Variants in EYS observed in about 807,000 individuals in gnomAD.
EYS encodes the protein EGF-like photoreceptor maintenance factor.
In EYS, 250 loss-of-function variants were observed where a neutral mutation model predicts 282.1. That is an observed-to-expected ratio of 0.89 (90% CI 0.80 to 0.98). The LOEUF is 0.98. EYS is among the 50% of genes least tolerant of loss of function. EYS has a pLI of 0.00. For synonymous variants in EYS, 1,355 were observed against 1,282.9 expected, an observed-to-expected ratio of 1.06 and a Z score of -1.20; for missense variants, 4,016 against 3,709.0, an observed-to-expected ratio of 1.08 and a Z score of -2.15.
chr6:63,992,454 T>C (rs74458024), intron 34 of EYS, among the ~76,000 whole-genome samples: 3,020 of 151,878 alleles, frequency 0.02, 44 homozygotes, highest in Middle Eastern at 0.044. Context: ...TATGTTAACA[T>C]GTACACAATA....
chr6:64,062,842 A>C (rs1410729116), intron 33 of EYS, among the ~76,000 whole-genome samples: 1 of 151,900 alleles, frequency 6.6e-6, no homozygotes, highest in East Asian at 1.9e-4. Flanking sequence ...TTGATTCCTC[A>C]CTTTACCTCT....
intron 12 of EYS, among the ~76,000 whole-genome samples, chr6:65,100,741 T>C (rs886185083): frequency 6.7e-6 from 1 of 150,166 alleles, no homozygotes; most frequent in Non-Finnish European, 1.5e-5. Context: ...TCGTTTGTTT[T>C]ACCAAATCAA....
chr6:65,167,556 A>G lies in EYS; in HGVS notation c.2024-109829T>C, dbSNP rs564450605. ...TGCTATGAAATGCCCAGGGGACTAT[A>G]TAGGTACATGGATACACAGATATAT... On this transcript the variant is annotated intron_variant, in intron 12 of 42. Coordinates refer to ENST00000503581, the MANE Select transcript of EYS (RefSeq NM_001142800.2). Among the ~76,000 whole-genome samples, 7 of 151,372 alleles carry G rather than the reference A, an allele frequency of 4.6e-5. No individual in the cohort carries two copies. The Admixed American group carries it at 4.6e-4, about 10-fold the overall frequency.
chr6:64,941,722 GT>G, intron 15 of EYS, among the ~76,000 whole-genome samples: 1 of 152,074 alleles, frequency 6.6e-6, no homozygotes, highest in Non-Finnish European at 1.5e-5. Flanking sequence ...TTGGTTTTAT[GT>G]TTCTGTATTA....
At chr6:65,499,139 G>C (rs910438701) in intron 2 of EYS, among the ~76,000 whole-genome samples, 12 of 151,922 alleles carry the variant, frequency 7.9e-5, no homozygotes, top group Non-Finnish European at 1.3e-4. Flanking sequence ...TAGCTTTGTA[G>C]TTAGGTTATT....
chr6:64,510,252 GA>G (rs1272979056), intron 26 of EYS, among the ~76,000 whole-genome samples: 1 of 151,990 alleles, frequency 6.6e-6, no homozygotes, highest in Non-Finnish European at 1.5e-5. Flanking sequence ...ATTGCTTTTG[GA>G]AATAATGAAT....
intron 10 of EYS, among the ~76,000 whole-genome samples, chr6:65,337,169 A>C (rs1770019335): frequency 6.6e-6 from 1 of 151,498 alleles, no homozygotes; most frequent in African/African-American, 2.4e-5. Context: ...CTGTCTTTTC[A>C]CTTTCTACAT....
At chr6:63,918,555 G>T (rs1346085980) in intron 35 of EYS, among the ~76,000 whole-genome samples, 1 of 152,114 alleles carries the variant, frequency 6.6e-6, no homozygotes, top group African/African-American at 2.4e-5. Context: ...CCACAGATCT[G>T]CCTGTGAGTC....
chr6:64,361,840 T>C (rs1348406350), intron 29 of EYS, among the ~76,000 whole-genome samples: 1 of 151,818 alleles, frequency 6.6e-6, no homozygotes, highest in Non-Finnish European at 1.5e-5. Context: ...TTACTTTAAA[T>C]GTAAGTTGGA....
chr6:64,549,743 T>TTC (rs554355218), intron 26 of EYS, among the ~76,000 whole-genome samples: 6,047 of 151,934 alleles, frequency 0.04, 259 homozygotes, highest in East Asian at 0.11. Flanking sequence ...CTTTTTTTTT[T>TTC]TTTTTTTTAT....
At chr6:64,320,172 G>T (rs1283250752) in intron 29 of EYS, among the ~76,000 whole-genome samples, 1 of 151,900 alleles carries the variant, frequency 6.6e-6, no homozygotes, top group Admixed American at 6.6e-5. Context: ...TGAGAAGTCA[G>T]TGATAAATTT....
chr6:64,610,977 T>C (rs79476654), intron 24 of EYS, among the ~76,000 whole-genome samples: 3,485 of 151,604 alleles, frequency 0.023, 54 homozygotes, highest in Non-Finnish European at 0.035. Flanking sequence ...TCCATCTTTT[T>C]CCCCCCCATA....
chr6:64,799,282 C>G (rs1774460134), intron 22 of EYS, among the ~76,000 whole-genome samples: 1 of 151,664 alleles, frequency 6.6e-6, no homozygotes, highest in South Asian at 2.1e-4. Flanking sequence ...TGCTTTGATA[C>G]CAAATATATC....
chr6:63,902,825 A>G lies in EYS; in HGVS notation c.7056-38467T>C, dbSNP rs370180487. Among the ~76,000 whole-genome samples the G allele has an allele frequency of 4.6e-5, 7 of 152,148 alleles. No individual in the cohort carries two copies. In the South Asian group the frequency reaches 8.3e-4, roughly 18 times the overall value. On this transcript the variant is annotated intron_variant, in intron 35 of 42. Coordinates refer to ENST00000503581, the MANE Select transcript of EYS (RefSeq NM_001142800.2). ...GGCAATAGAGCAAGAGTTTACTGAA[A>G]GAGGGGCATGGGCGGTAACAGTATA...
At chr6:64,218,154 C>A (rs1314991503) in intron 31 of EYS, among the ~76,000 whole-genome samples, 5 of 152,090 alleles carry the variant, frequency 3.3e-5, no homozygotes, top group Admixed American at 2.6e-4. Context: ...CCTAGGATGA[C>A]CCCAGTTCCC....
chr6:64,937,623 C>T (rs960856580), intron 15 of EYS, among the ~76,000 whole-genome samples: 2 of 151,446 alleles, frequency 1.3e-5, no homozygotes, highest in Non-Finnish European at 3.0e-5. Flanking sequence ...GTTAAAAAGA[C>T]AAACATCAAC....
At chr6:64,109,133 T>C (rs1404285881) in intron 31 of EYS, among the ~76,000 whole-genome samples, 1 of 152,150 alleles carries the variant, frequency 6.6e-6, no homozygotes, top group African/African-American at 2.4e-5. Flanking sequence ...TGTGTTTGGA[T>C]AATAAACTGT....
At chr6:64,967,329 T>C (rs1490809038) in intron 14 of EYS, among the ~76,000 whole-genome samples, 1 of 98,698 alleles carries the variant, frequency 1.0e-5, no homozygotes, top group African/African-American at 4.0e-5. Context: ...CAAAACTCCA[T>C]TTTTTTTTTT....
At chr6:64,902,580 A>T (rs568576730) in intron 16 of EYS, 80 bp from the exon 17 acceptor site, 1 of 764,522 alleles carries the variant, frequency 1.3e-6, no homozygotes, top group Admixed American at 3.6e-5. Context: ...TAGTCTAAAG[A>T]ATACACTCAT....
Sources: allele counts gnomAD v4.1 joint callset (sites outside exome capture counted in the v4.1 genomes callset), GRCh38; gene constraint gnomAD v4.1.1; transcripts MANE v1.5; gene names NCBI Gene and HGNC (gene_info 2026-07-23, HGNC 2026-07-21).